NDRG3: variants seen among roughly 807,000 people sequenced by gnomAD.
NDRG3 encodes the protein protein NDRG3.
NDRG3 carries 23 observed loss-of-function variants against 57.2 expected under a neutral mutation model. The observed-to-expected ratio is 0.40, with a 90% confidence interval of 0.29 to 0.57. The LOEUF (loss-of-function observed/expected upper bound fraction) is 0.57, where lower values mean the gene tolerates loss of function less well. Among genes scored for constraint, NDRG3 ranks in the 20% least tolerant of loss-of-function variants. The pLI, the probability that NDRG3 is intolerant of heterozygous loss-of-function variation, is 0.42. For synonymous variants in NDRG3, 132 were observed against 162.6 expected, an observed-to-expected ratio of 0.81 and a Z score of 1.43; for missense variants, 384 against 457.3, an observed-to-expected ratio of 0.84 and a Z score of 1.46.
At chr20:36,720,106 C>CA (rs879825496) in intron 2 of NDRG3, among the ~76,000 whole-genome samples, 213 of 112,826 alleles carry the variant, frequency 1.9e-3, no homozygotes, top group African/African-American at 3.6e-3. Flanking sequence ...GACTCCGTCT[C>CA]AAAAAAAAAA....
At chr20:36,701,090 G>A (rs1054398940) in intron 3 of NDRG3, among the ~76,000 whole-genome samples, 3 of 152,092 alleles carry the variant, frequency 2.0e-5, no homozygotes, top group South Asian at 2.1e-4. Context: ...AGTACTTACT[G>A]ATTATTTATT....
At chr20:36,695,964 G>C (rs1982750076) in intron 3 of NDRG3, among the ~76,000 whole-genome samples, 2 of 152,122 alleles carry the variant, frequency 1.3e-5, no homozygotes, top group South Asian at 4.1e-4. Flanking sequence ...TCTCCCCCCG[G>C]ACACCCAGCT....
At position 36,655,268 on chromosome 20, in the gene NDRG3, C is replaced by T. The variant is rs184274120; in HGVS notation, c.946+1092G>A. On this transcript the variant is annotated intron_variant, in intron 15 of 15. Coordinates refer to ENST00000349004, the MANE Select transcript of NDRG3 (RefSeq NM_032013.4). ...GGTCTGCCTGGCAGGTACAGGGCTG[C>T]ACCCAGGGCCCAGCTGCCCAGAGCA... Among the ~76,000 whole-genome samples the T allele has an allele frequency of 1.4e-4, 22 of 152,338 alleles. No homozygotes were observed. In the East Asian group the frequency reaches 3.1e-3, roughly 21 times the overall value.
chr20:36,712,208 A>G (rs1451064921), intron 2 of NDRG3, among the ~76,000 whole-genome samples: 1 of 151,748 alleles, frequency 6.6e-6, no homozygotes, highest in African/African-American at 2.4e-5. Context: ...TCTATTTGAC[A>G]GTAACTGGCT....
rs774191488 is a variant in NDRG3, at chr20:36,707,003, C to T, written c.62G>A (p.Gly21Asp). Residue 21 changes from glycine to aspartate, a missense_variant, in exon 3 of 16, where the codon GGT (glycine) becomes GAT (aspartate). Coordinates refer to ENST00000349004, the MANE Select transcript of NDRG3 (RefSeq NM_032013.4). Reference sequence around the variant, plus strand: ...GTCAAAGTCCTGGAAGTTTCTTGTACCATTCTGTCAACAGAAGACAGAAAA... The same window carrying T: ...GTCAAAGTCCTGGAAGTTTCTTGTATCATTCTGTCAACAGAAGACAGAAAA... Reference protein sequence around the residue: ...EIKPLLNDKNGTRNFQDFDCQ... With the variant: ...EIKPLLNDKNDTRNFQDFDCQ... 13 of 1,613,536 alleles carry T rather than the reference C, an allele frequency of 8.1e-6. No homozygotes were observed. In the South Asian group the frequency reaches 1.3e-4, roughly 16 times the overall value.
chr20:36,741,385 G>C (rs1985921677), intron 1 of NDRG3, among the ~76,000 whole-genome samples: 1 of 152,166 alleles, frequency 6.6e-6, no homozygotes, highest in Non-Finnish European at 1.5e-5. Flanking sequence ...GCATATAGCA[G>C]ACACTCTAAA....
chr20:36,685,394 T>C (rs1335747610), intron 5 of NDRG3, among the ~76,000 whole-genome samples: 2 of 152,088 alleles, frequency 1.3e-5, no homozygotes, highest in African/African-American at 4.8e-5. Flanking sequence ...CACTGTAACC[T>C]TGAACTCCTG....
chr20:36,697,429 G>A (rs920842096), intron 3 of NDRG3, among the ~76,000 whole-genome samples: 5 of 152,090 alleles, frequency 3.3e-5, no homozygotes, highest in South Asian at 2.1e-4. Flanking sequence ...GTTCAGGGCC[G>A]GGCGCAGTGG....
At chr20:36,699,353 A>G (rs1000052300) in intron 3 of NDRG3, among the ~76,000 whole-genome samples, 1 of 152,318 alleles carries the variant, frequency 6.6e-6, no homozygotes, top group Non-Finnish European at 1.5e-5. Context: ...GGAGGTTTCA[A>G]TATCTCTCAT....
chr20:36,732,026 T>G (rs1401792454), intron 1 of NDRG3, among the ~76,000 whole-genome samples: 2 of 151,568 alleles, frequency 1.3e-5, no homozygotes, highest in Non-Finnish European at 2.9e-5. Context: ...GAGGCTGAGG[T>G]GGGAGGATCA....
chr20:36,745,998 T>G lies in NDRG3; in HGVS notation c.-49+47A>C. ...AGGGCAAAGGAGCGACGCCCCCGAA[T>G]GCGGCGCCGCGCGCCCCCCGCGGGC... On this transcript the variant is annotated intron_variant, in intron 1 of 15. Coordinates refer to ENST00000349004, the MANE Select transcript of NDRG3 (RefSeq NM_032013.4). 3.1e-4 allele frequency: 85 copies of G among 275,230 alleles called. 2 individuals are homozygous for G. Among genetic ancestry groups the G allele is most frequent in the Non-Finnish European group, 4.2e-4 (61 of 144,648 alleles). 17.0% of individuals were successfully genotyped at this position (275,230 alleles called of 1,614,324 possible).
intron 2 of NDRG3, among the ~76,000 whole-genome samples, chr20:36,711,881 G>A (rs1043435921): frequency 6.6e-6 from 1 of 152,016 alleles, no homozygotes; most frequent in Admixed American, 6.6e-5. Context: ...CTGGGTTCAC[G>A]CCATTCTCCT....
intron 8 of NDRG3, among the ~76,000 whole-genome samples, chr20:36,675,188 T>C (rs1980567375): frequency 6.7e-6 from 1 of 150,260 alleles, no homozygotes; most frequent in African/African-American, 2.5e-5. Context: ...GCTTCCCAAG[T>C]AGCTGGGATT....
At chr20:36,688,894 C>T (rs1341749842) in intron 3 of NDRG3, 110 bp from the exon 4 acceptor site, 1 of 780,368 alleles carries the variant, frequency 1.3e-6, no homozygotes, top group Non-Finnish European at 2.2e-6. Context: ...GGGCAGGACA[C>T]ATTAATAAAT....
At position 36,715,000 on chromosome 20, in the gene NDRG3, GTGTGTGTATATATATATATA is replaced by G. The variant is rs1292483056; in HGVS notation, c.57+6659_57+6678del. ...CCTATATCTGTGTGTGTGTGTGTGT[GTGTGTGTATATATATATATA>G]TATATATATATATATATATATATAT... On this transcript the variant is annotated intron_variant, in intron 2 of 15. Transcript: ENST00000349004. 1.8e-3 allele frequency among the ~76,000 whole-genome samples: 101 copies of G among 56,568 alleles called. 4 individuals are homozygous for G. Among genetic ancestry groups the G allele is most frequent in the African/African-American group, 3.9e-3 (50 of 12,872 alleles). The allele number at this position is 56,568 out of a possible 152,430, so 37.1% of individuals were successfully genotyped here. A position where few individuals can be genotyped will look rare whatever the true frequency, so the allele number is the denominator to read the frequency against.
chr20:36,697,854 T>C (rs1000096508), intron 3 of NDRG3, among the ~76,000 whole-genome samples: 1 of 152,148 alleles, frequency 6.6e-6, no homozygotes, highest in Non-Finnish European at 1.5e-5. Context: ...TGTTAGTAAA[T>C]GATAAAATAG....
intron 1 of NDRG3, among the ~76,000 whole-genome samples, chr20:36,744,971 G>GGT: frequency 6.6e-6 from 1 of 151,428 alleles, no homozygotes; most frequent in Non-Finnish European, 1.5e-5. Flanking sequence ...AGGGTAAGGG[G>GGT]GGGGGGGGGC....
chr20:36,671,750 C>G (rs969328154), intron 8 of NDRG3, among the ~76,000 whole-genome samples: 1 of 147,262 alleles, frequency 6.8e-6, no homozygotes, highest in Non-Finnish European at 1.5e-5. Flanking sequence ...TGCAGTGAGC[C>G]GAGATTGCGC....
chr20:36,672,958 G>A (rs574071422), intron 8 of NDRG3, among the ~76,000 whole-genome samples: 1 of 152,282 alleles, frequency 6.6e-6, no homozygotes, highest in South Asian at 2.1e-4. Flanking sequence ...TGACCTCCCA[G>A]GCTCAAGCGA....
Sources: gnomAD v4.1 joint callset for allele counts (sites outside exome capture counted in the v4.1 genomes callset) on GRCh38, gnomAD v4.1.1 for gene constraint, MANE v1.5 for transcripts, NCBI Gene and HGNC (gene_info 2026-07-23, HGNC 2026-07-21) for gene names.